The following B4GALT4 variants were observed in gnomAD, a reference collection of about 807,000 sequenced individuals.
The protein encoded by B4GALT4 is beta-1,4-galactosyltransferase 4.
B4GALT4 carries 27 observed loss-of-function variants against 37.3 expected under a neutral mutation model. That is an observed-to-expected ratio of 0.72 (90% CI 0.53 to 1.00). B4GALT4 has a LOEUF of 1.00. Ranked by LOEUF, B4GALT4 falls within the 50% of genes least tolerant of loss-of-function variation. The probability of loss-of-function intolerance (pLI) is 0.00; values close to 1 mark genes in which losing one functional copy is unlikely to be tolerated. For missense variants in B4GALT4, 372 were observed against 413.1 expected, an observed-to-expected ratio of 0.90 and a Z score of 0.86; for synonymous variants, 148 against 154.1, an observed-to-expected ratio of 0.96 and a Z score of 0.29.
intron 5 of B4GALT4, among the ~76,000 whole-genome samples, chr3:119,222,787 T>C (rs77165512): frequency 6.6e-6 from 1 of 152,316 alleles, no homozygotes; most frequent in Non-Finnish European, 1.5e-5. Context: ...CCACCTTACC[T>C]GGGGAACAGC....
rs368042917 is a variant in B4GALT4 at position 119,216,290 on chromosome 3, A to G, written c.852T>C (p.Tyr284=). ...TGTCTCTAGTGTGGAAGACCATTGT[A>G]TATTTACCCACTTCAGGCAGGGGCC... The part of the protein sequence containing the change: ...ISRPLPEVGK[Y]TMVFHTRDKG... The change falls in exon 7 of 8, where the codon TAT becomes TAC. Residue 284 remains tyrosine (Y), a synonymous_variant. Coordinates refer to ENST00000393765, the MANE Select transcript of B4GALT4 (RefSeq NM_003778.4). The G allele has an allele frequency of 4.6e-5, 75 of 1,613,810 alleles. No homozygotes were observed. Among genetic ancestry groups the G allele is most frequent in the Non-Finnish European group, 5.8e-5 (69 of 1,179,918 alleles).
chr3:119,222,838 G>T lies in B4GALT4; in HGVS notation c.674+1220C>A, dbSNP rs2078488642. On this transcript the variant is annotated intron_variant, in intron 5 of 7. Coordinates refer to ENST00000393765, the MANE Select transcript of B4GALT4 (RefSeq NM_003778.4). ...TCAAGGTGTTTCTTAAAGACACTGT[G>T]CTCTCACCCACCATAGTTTGTTCTA... Among the ~76,000 whole-genome samples, 2 of 152,204 alleles carry T rather than the reference G, an allele frequency of 1.3e-5. 1 individual carries two copies. The highest frequency in any genetic ancestry group is 4.1e-4 in the South Asian group (2 of 4,832).
intron 4 of B4GALT4, among the ~76,000 whole-genome samples, chr3:119,225,225 G>A (rs2078571782): frequency 1.3e-5 from 2 of 152,236 alleles, no homozygotes; most frequent in Middle Eastern, 3.4e-3. Context: ...TAATATGATT[G>A]AAGCTGTAAT....
In B4GALT4 at chr3:119,211,929, T is replaced by A; in HGVS notation, c.*620A>T. ...AGGCATACCTGGGCAGGTCCTCCCC[T>A]GAAGGCTATCAGCAGCTGCAACCAG... On this transcript the variant is annotated 3_prime_UTR_variant, in exon 8 of 8. Transcript: ENST00000393765. 1.9e-6 allele frequency: 1 copy of A among 539,704 alleles called. No homozygotes were observed. The highest frequency in any genetic ancestry group is 3.3e-6 in the Non-Finnish European group (1 of 304,084). The allele number at this position is 539,704 out of a possible 1,614,324, so 33.4% of individuals were successfully genotyped here.
chr3:119,226,262 T>A (rs1459329748), intron 4 of B4GALT4, among the ~76,000 whole-genome samples: 1 of 152,208 alleles, frequency 6.6e-6, no homozygotes, highest in Non-Finnish European at 1.5e-5. Flanking sequence ...TACCAAATCA[T>A]GCTTCTGGAA....
intron 2 of B4GALT4, among the ~76,000 whole-genome samples, chr3:119,231,487 A>G (rs2078813700): frequency 6.6e-6 from 1 of 152,140 alleles, no homozygotes; most frequent in Non-Finnish European, 1.5e-5. Flanking sequence ...ATGGAGACCA[A>G]AATATTTTCT....
At chr3:119,224,961 T>A (rs2078563203) in intron 4 of B4GALT4, among the ~76,000 whole-genome samples, 1 of 152,232 alleles carries the variant, frequency 6.6e-6, no homozygotes, top group South Asian at 2.1e-4. Context: ...CCCTAGGTAA[T>A]CCCAATCTTA....
At chr3:119,223,296 G>A (rs563982033) in intron 5 of B4GALT4, among the ~76,000 whole-genome samples, 1 of 152,360 alleles carries the variant, frequency 6.6e-6, no homozygotes, top group South Asian at 2.1e-4. Context: ...AGCACAGTCA[G>A]CACCACAGAT....
chr3:119,235,787 C>T (rs1022477460), intron 2 of B4GALT4, among the ~76,000 whole-genome samples: 1 of 152,072 alleles, frequency 6.6e-6, no homozygotes, highest in African/African-American at 2.4e-5. Context: ...AAGCTCCTAA[C>T]AGCCCAACCT....
chr3:119,238,283 A>AAG (rs397827342), intron 1 of B4GALT4, among the ~76,000 whole-genome samples: 1 of 150,734 alleles, frequency 6.6e-6, no homozygotes, highest in Non-Finnish European at 1.5e-5. Flanking sequence ...AAAAAAAAAA[A>AAG]GTATATAAAA....
intron 4 of B4GALT4, 128 bp downstream of exon 4, chr3:119,226,681 G>T: frequency 1.3e-6 from 1 of 760,424 alleles, no homozygotes; most frequent in Non-Finnish European, 2.1e-6. Flanking sequence ...GGATAAATGA[G>T]GTAAGAGAAC....
In B4GALT4 at chr3:119,216,360, A is replaced by C. The variant is rs375880020; in HGVS notation, c.798-16T>G. The stretch of plus-strand genomic sequence containing the variant: ...GAGCTCAACCCTAGAAAAATAATAG[A>C]GATTTTTTTAAAGTCCATCCTATTT... On this transcript the variant is annotated splice_polypyrimidine_tract_variant and intron_variant, in intron 6 of 7. Transcript: ENST00000393765. 4.4e-6 allele frequency: 7 copies of C among 1,600,860 alleles called. No homozygotes were observed. In the African/African-American group the frequency reaches 9.4e-5, roughly 22 times the overall value.
At position 119,237,036 on chromosome 3, in the gene B4GALT4, G is replaced by A. The variant is rs1459079701; in HGVS notation, c.-329C>T. 2.6e-5 allele frequency: 4 copies of A among 152,244 alleles called. No individual in the cohort carries two copies. Among genetic ancestry groups the A allele is most frequent in the Non-Finnish European group, 5.9e-5 (4 of 68,046 alleles). 9.4% of individuals were successfully genotyped at this position (152,244 alleles called of 1,614,324 possible). A position where few individuals can be genotyped will look rare whatever the true frequency, so the allele number is the denominator to read the frequency against. ...ACACAGTGTACCCGCCTCTGGGCAAGAGCCGTGGAAATCCACACATGAAGC... is the reference window on the plus strand; with the variant it reads ...ACACAGTGTACCCGCCTCTGGGCAAAAGCCGTGGAAATCCACACATGAAGC... On this transcript the variant is annotated 5_prime_UTR_variant, in exon 2 of 8. Transcript: ENST00000393765.
intron 5 of B4GALT4, among the ~76,000 whole-genome samples, chr3:119,220,190 A>G (rs1397269373): frequency 6.6e-6 from 1 of 152,250 alleles, no homozygotes; most frequent in Non-Finnish European, 1.5e-5. Flanking sequence ...AAAAGGAAAT[A>G]AAGTGCTTAG....
chr3:119,220,724 C>A (rs370984990), intron 5 of B4GALT4, among the ~76,000 whole-genome samples: 1 of 152,120 alleles, frequency 6.6e-6, no homozygotes, highest in African/African-American at 2.4e-5. Flanking sequence ...TGTCTCTCCA[C>A]GCCTGTAATC....
At chr3:119,237,846 T>C (rs1267235029) in intron 1 of B4GALT4, among the ~76,000 whole-genome samples, 3 of 152,202 alleles carry the variant, frequency 2.0e-5, no homozygotes, top group African/African-American at 4.8e-5. Context: ...ATGTTAACAA[T>C]AGCGATCTGA....
intron 2 of B4GALT4, among the ~76,000 whole-genome samples, chr3:119,230,661 C>G (rs2078782109): frequency 6.6e-6 from 1 of 152,120 alleles, no homozygotes; most frequent in African/African-American, 2.4e-5. Flanking sequence ...CACATTTTGA[C>G]CCAAAGAGAA....
In B4GALT4 at chr3:119,236,086, C is replaced by T. The variant is rs545588119; in HGVS notation, c.-146+767G>A. ...AACAGTATAGTCTCAAAGTATCTTC[C>T]CCAAGATAATTCTTAACTACAAAGG... On this transcript the variant is annotated intron_variant, in intron 2 of 7. Transcript: ENST00000393765. The T allele has an allele frequency of 2.0e-5, 3 of 152,200 alleles. No homozygotes were observed. The South Asian group carries it at 6.2e-4, about 32-fold the overall frequency. The allele number at this position is 152,200 out of a possible 1,614,324, so 9.4% of individuals were successfully genotyped here. A position where few individuals can be genotyped will look rare whatever the true frequency, so the allele number is the denominator to read the frequency against.
rs182302271 is a variant in B4GALT4 at position 119,216,167 on chromosome 3, G to A, written c.902+73C>T. On this transcript the variant is annotated intron_variant, in intron 7 of 7. Coordinates refer to ENST00000393765, the MANE Select transcript of B4GALT4 (RefSeq NM_003778.4). ...ACAATGAACTGGCTCAAATCTGATC[G>A]AATTCAACATAGTCCTTATTGACAG... 525 of 1,212,488 alleles carry A rather than the reference G, an allele frequency of 4.3e-4. 2 individuals carry two copies. In the African/African-American group the frequency reaches 6.3e-3, roughly 15 times the overall value. 75.1% of individuals were successfully genotyped at this position (1,212,488 alleles called of 1,614,324 possible). A position where few individuals can be genotyped will look rare whatever the true frequency, so the allele number is the denominator to read the frequency against.
Sources: allele counts gnomAD v4.1 joint callset (sites outside exome capture counted in the v4.1 genomes callset), GRCh38; gene constraint gnomAD v4.1.1; transcripts MANE v1.5; gene names NCBI Gene and HGNC (gene_info 2026-07-23, HGNC 2026-07-21).